KDM3A: variants seen among roughly 807,000 people sequenced by gnomAD.
KDM3A encodes lysine-specific demethylase 3A.
KDM3A carries 60 observed loss-of-function variants against 158.0 expected under a neutral mutation model. The observed-to-expected ratio is 0.38, with a 90% CI of 0.31 to 0.47. KDM3A has a LOEUF of 0.47. Ranked by LOEUF, KDM3A falls within the 20% of genes least tolerant of loss-of-function variation. The pLI is 0.99. For missense variants in KDM3A, 1,319 were observed against 1,574.3 expected (o/e 0.84, Z 2.74); for synonymous variants, 608 against 549.3 (o/e 1.11, Z -1.49).
At chr2:86,455,289 TTTTTC>T in intron 5 of KDM3A, 102 bp downstream of exon 5, 1 of 705,030 alleles carries the variant, frequency 1.4e-6, no homozygotes, top group Non-Finnish European at 2.4e-6. Context: ...GGAAATTTCT[TTTTTC>T]TTTTTTTTTT....
At chr2:86,485,646 G>A in intron 20 of KDM3A, 83 bp from the exon 21 acceptor site, 2 of 1,492,308 alleles carry the variant, frequency 1.3e-6, no homozygotes. Flanking sequence ...GTTCCTTTTG[G>A]TGTAGAAGGA....
chr2:86,456,721 T>A (rs1346894555), intron 6 of KDM3A, 84 bp from the exon 7 acceptor site: 1 of 1,279,014 alleles, frequency 7.8e-7, no homozygotes, highest in Non-Finnish European at 1.1e-6. Context: ...AAGAAGCTCC[T>A]ATTGTTATGT....
chr2:86,455,034 C>A, intron 4 of KDM3A, 51 bp from the exon 5 acceptor site: 1 of 1,083,198 alleles, frequency 9.2e-7, no homozygotes, highest in Non-Finnish European at 1.3e-6. Flanking sequence ...ATTTAAATAA[C>A]TCTTCTTATT....
chr2:86,446,649 G>T (rs191782642), intron 2 of KDM3A, among the ~76,000 whole-genome samples: 52 of 152,296 alleles, frequency 3.4e-4, no homozygotes, highest in African/African-American at 1.2e-3. Flanking sequence ...GGCAGAGGAT[G>T]CAGTGAGCTG....
intron 19 of KDM3A, 37 bp downstream of exon 19, chr2:86,484,195 T>C: frequency 6.4e-7 from 1 of 1,571,658 alleles, no homozygotes; most frequent in Non-Finnish European, 8.7e-7. Context: ...GTTGGGGATG[T>C]GAAAGGAGGG....
At chr2:86,481,886 C>T in intron 16 of KDM3A, 44 bp from the exon 17 acceptor site, 1 of 1,500,508 alleles carries the variant, frequency 6.7e-7, no homozygotes, top group South Asian at 1.2e-5. Flanking sequence ...AGGGATTTGC[C>T]TTTCAGAATG....
chr2:86,441,206 ATTG>A (rs1682681875), upstream of KDM3A: 1 of 151,902 alleles, frequency 6.6e-6, no homozygotes, highest in Non-Finnish European at 1.5e-5. Flanking sequence ...CAGCCAAGGA[ATTG>A]TTTTTTTCTC....
At chr2:86,491,767 C>T (rs1159944954) in intron 25 of KDM3A, 3 of 405,830 alleles carry the variant, frequency 7.4e-6, no homozygotes, top group Middle Eastern at 6.8e-4. Context: ...TACCTTGGAA[C>T]TTGCCTCTCC....
At chr2:86,461,408 CTT>C (rs1047135320) in intron 8 of KDM3A, among the ~76,000 whole-genome samples, 7 of 152,262 alleles carry the variant, frequency 4.6e-5, no homozygotes, top group Non-Finnish European at 7.4e-5. Context: ...ACTCATAAGA[CTT>C]ATTGATTTAT....
rs564700253 is a variant in KDM3A at position 86,441,757 on chromosome 2, C to T, written c.-30-261C>T. ...CCACTCGAGCCGCAGATAATTTTTC[C>T]CTCACTCCCTCTGCGGTTGCGTTTG... On this transcript the variant is annotated intron_variant, in intron 1 of 25. Transcript: ENST00000312912. Among the ~76,000 whole-genome samples the T allele has an allele frequency of 4.3e-3, 649 of 151,054 alleles. 2 individuals are homozygous for T. The highest frequency in any genetic ancestry group is 0.017 in the Middle Eastern group (5 of 292).
rs777275544 is a variant in KDM3A, at chr2:86,480,291, G to T, written c.2441G>T (p.Cys814Phe). ...CCAGCCGGCAGCATGAAGCCTGCCT[G>T]TCCAGCCAGCACATCTCCTCTAAAC... ...SKPAGSMKPA[C>F]PASTSPLNWL... is the part of the protein sequence containing the mutation. Residue 814 changes from cysteine to phenylalanine, a missense_variant, in exon 16 of 26, where the codon TGT (cysteine) becomes TTT (phenylalanine). By Grantham distance (205) the Cys-to-Phe change is radical. Coordinates refer to ENST00000312912, the MANE Select transcript of KDM3A (RefSeq NM_018433.6). 2 of 1,614,098 alleles carry T rather than the reference G, an allele frequency of 1.2e-6. No homozygotes were observed. The highest frequency in any genetic ancestry group is 2.2e-5 in the South Asian group (2 of 91,070).
In KDM3A at chr2:86,491,260, C is replaced by T. The variant is rs376277877; in HGVS notation, c.3870C>T (p.His1290=). ...FRYLSQTHTN[H]EDKLQVKNVI... ...ATCTGTCACAGACTCATACCAATCA[C>T]GAAGATAAATTACAGGTAAAAATAG... The change falls in exon 25 of 26, where the codon CAC becomes CAT. Residue 1290 remains histidine (H), a synonymous_variant. Coordinates refer to ENST00000312912, the MANE Select transcript of KDM3A (RefSeq NM_018433.6). 4.6e-5 allele frequency: 74 copies of T among 1,613,604 alleles called. No individual in the cohort carries two copies. Among genetic ancestry groups the T allele is most frequent in the South Asian group, 2.1e-4 (19 of 91,072 alleles).
At chr2:86,474,736 T>TGTGTAC in intron 11 of KDM3A, 40 bp from the exon 12 acceptor site, 1 of 935,428 alleles carries the variant, frequency 1.1e-6, no homozygotes, top group Non-Finnish European at 1.7e-6. Flanking sequence ...TGTGTGTGTG[T>TGTGTAC]GTGTGTACAT....
Position 86,480,875 on chromosome 2 carries a change from G to T in KDM3A, c.2512+513G>T, listed in dbSNP as rs551320884. The stretch of plus-strand genomic sequence containing the variant: ...AAGGAATATTCAAACTCCTGTTGTG[G>T]TCCAGGCCCTCTCTTTACATGTGAT... On this transcript the variant is annotated intron_variant, in intron 16 of 25. Coordinates refer to ENST00000312912, the MANE Select transcript of KDM3A (RefSeq NM_018433.6). 7.2e-5 allele frequency among the ~76,000 whole-genome samples: 11 copies of T among 152,266 alleles called. 1 individual carries two copies. In the South Asian group the frequency reaches 2.3e-3, roughly 32 times the overall value.
chr2:86,463,095 CA>C (rs751748182), intron 8 of KDM3A, among the ~76,000 whole-genome samples: 1 of 151,848 alleles, frequency 6.6e-6, no homozygotes, highest in Non-Finnish European at 1.5e-5. Context: ...GTCTCAAAAA[CA>C]AAAAACAAAA....
intron 8 of KDM3A, among the ~76,000 whole-genome samples, chr2:86,459,407 T>A (rs969911979): frequency 6.6e-6 from 1 of 152,124 alleles, no homozygotes; most frequent in East Asian, 1.9e-4. Context: ...GTAGTAAATA[T>A]CAGTTTGGAG....
chr2:86,489,727 G>A (rs1387832881), intron 23 of KDM3A, 68 bp downstream of exon 23: 43 of 1,506,348 alleles, frequency 2.9e-5, no homozygotes, highest in Non-Finnish European at 3.3e-5. Flanking sequence ...TACATGTGGT[G>A]AACTGACTGG....
intron 11 of KDM3A, among the ~76,000 whole-genome samples, chr2:86,473,754 GAA>G (rs1195977656): frequency 1.3e-5 from 2 of 151,922 alleles, no homozygotes; most frequent in Non-Finnish European, 2.9e-5. Context: ...GTCTCAAAAA[GAA>G]AAAGAAAAAT....
intron 2 of KDM3A, among the ~76,000 whole-genome samples, chr2:86,447,638 A>C (rs1683011676): frequency 6.6e-6 from 1 of 152,216 alleles, no homozygotes; most frequent in Admixed American, 6.5e-5. Context: ...CTAACTATGC[A>C]ATGAGAGGTG....
Sources: gnomAD v4.1 joint callset for allele counts (sites outside exome capture counted in the v4.1 genomes callset) on GRCh38, gnomAD v4.1.1 for gene constraint, MANE v1.5 for transcripts, NCBI Gene and HGNC (gene_info 2026-07-23, HGNC 2026-07-21) for gene names.